HASPIN: variants seen among roughly 807,000 people sequenced by gnomAD.
The protein encoded by HASPIN is histone H3 associated protein kinase, also known as serine/threonine-protein kinase haspin.
A neutral mutation model predicts 28.8 loss-of-function variants in HASPIN; 24 were observed. The observed-to-expected ratio is 0.83, with a 90% CI of 0.60 to 1.17. The LOEUF (loss-of-function observed/expected upper bound fraction) is 1.17. HASPIN is among the 50% of genes most tolerant of loss of function. HASPIN has a pLI of 0.00. For synonymous variants in HASPIN, 440 were observed against 413.1 expected (o/e 1.07, Z -0.79); for missense variants, 1,016 against 1,018.5 (o/e 1.00, Z 0.03).
At position 3,724,848 on chromosome 17, in the gene HASPIN, C is replaced by T; in HGVS notation, c.913C>T (p.Leu305Phe). The T allele has an allele frequency of 6.2e-7, 1 of 1,614,096 alleles. No individual in the cohort carries two copies. The highest frequency in any genetic ancestry group is 8.5e-7 in the Non-Finnish European group (1 of 1,180,046). Residue 305 changes from leucine to phenylalanine, a missense_variant, in exon 1 of 1, where the codon CTT becomes TTT. Leu to Phe is a conservative substitution (Grantham distance 22). Coordinates refer to ENST00000325418, the MANE Select transcript of HASPIN (RefSeq NM_031965.2). ...CCAGGACTCTTGTCAAGAGAGAGGG[C>T]TTCAAGAGGCCGTCCGGAGAGAGCA... ...TGQDSCQERG[L>F]QEAVRREHQE...
Position 3,725,915 on chromosome 17 carries a change from C to A in HASPIN, c.1980C>A (p.Thr660=), listed in dbSNP as rs1567513524. ...LHWGNVLLKK[T]SLKKLHYTLN... ...GGGGGAACGTGCTCTTAAAGAAAAC[C>A]AGCCTCAAAAAACTCCACTACACCC... The change falls in exon 1 of 1, where the codon ACC becomes ACA. Residue 660 remains threonine (T), a synonymous_variant. Transcript: ENST00000325418. 1.2e-6 allele frequency: 2 copies of A among 1,613,408 alleles called. No homozygotes were observed. Among genetic ancestry groups the A allele is most frequent in the South Asian group, 2.2e-5 (2 of 91,058 alleles).
chr17:3,725,718 A>G lies in HASPIN; in HGVS notation c.1783A>G (p.Lys595Glu). The G allele has an allele frequency of 6.4e-7, 1 of 1,572,240 alleles. No homozygotes were observed. The highest frequency in any genetic ancestry group is 1.2e-5 in the South Asian group (1 of 84,106). The change falls in exon 1 of 1, where the codon AAA (lysine) becomes GAA (glutamate). Residue 595 changes from lysine to glutamate, a missense_variant. By Grantham distance (56) the Lys-to-Glu change is moderately conservative. Around this residue, in one of 3 missense-constraint regions of HASPIN, gnomAD observed 881 missense variants for 845.5 expected, o/e 1.04. Coordinates refer to ENST00000325418, the MANE Select transcript of HASPIN (RefSeq NM_031965.2). The part of the protein sequence containing the change: ...GSANDRPDFF[K>E]DDQLFIVLEF... Reference sequence around the variant, plus strand: ...TGCAAATGACCGGCCTGATTTTTTTAAAGACGACCAGCTCTTCATTGTGCT... The same window carrying G: ...TGCAAATGACCGGCCTGATTTTTTTGAAGACGACCAGCTCTTCATTGTGCT...
chr17:3,724,005 C>T lies in HASPIN; in HGVS notation c.70C>T (p.Gln24Ter), dbSNP rs1462735996. 3.8e-6 allele frequency: 6 copies of T among 1,593,840 alleles called. No homozygotes were observed. The highest frequency in any genetic ancestry group is 2.3e-5 in the East Asian group (1 of 44,222). ...ATATGGGGCTGCGGACGGCAGGAGA[C>T]AGCGGCGGCCGGGCCGGGAAGCCGC... ...RTYGAADGRR[Q>*]RRPGREAAQW... Residue 24 changes from glutamine to a stop codon, truncating the protein, a stop_gained, in exon 1 of 1, where the codon CAG (glutamine) becomes TAG (stop). Coordinates refer to ENST00000325418, the MANE Select transcript of HASPIN (RefSeq NM_031965.2). LOFTEE classifies it low-confidence loss of function (END_TRUNC).
Position 3,725,916 on chromosome 17 carries a change from A to AG in HASPIN, c.1982dup (p.Ser661ArgfsTer27). On this transcript the variant is annotated frameshift_variant, in exon 1 of 1. Transcript: ENST00000325418. LOFTEE classifies it high-confidence loss of function. ...GGGGAACGTGCTCTTAAAGAAAACC[A>AG]GCCTCAAAAAACTCCACTACACCCT... 6.2e-7 allele frequency: 1 copy of AG among 1,613,372 alleles called. No homozygotes were observed. Among genetic ancestry groups the AG allele is most frequent in the East Asian group, 2.2e-5 (1 of 44,868 alleles).
chr17:3,724,512 G>A lies in HASPIN; in HGVS notation c.577G>A (p.Ala193Thr), dbSNP rs919745901. The A allele has an allele frequency of 6.2e-7, 1 of 1,613,948 alleles. No homozygotes were observed. Among genetic ancestry groups the A allele is most frequent in the African/African-American group, 1.3e-5 (1 of 75,030 alleles). The change falls in exon 1 of 1, where the codon GCC (alanine) becomes ACC (threonine). Residue 193 changes from alanine to threonine, a missense_variant. This residue lies in a region of HASPIN where 881 missense variants were observed against 845.5 expected (regional missense o/e 1.04). Transcript: ENST00000325418. ...CAGTGTCATCTCGATCGGCACCTCC[G>A]CCTGTCTGGTTGCAGCCTCAGCCGT... ...RDSVISIGTS[A>T]CLVAASAVPS...
chr17:3,724,718 A>G lies in HASPIN; in HGVS notation c.783A>G (p.Ala261=), dbSNP rs376883181. The part of the protein sequence containing the change: ...SGTPEDSEFR[A]DGKNMRESCC... ...CCCCTGAGGATTCTGAGTTTCGGGCAGATGGGAAGAATATGAGAGAGTCCT... is the reference window on the plus strand; with the variant it reads ...CCCCTGAGGATTCTGAGTTTCGGGCGGATGGGAAGAATATGAGAGAGTCCT... The change falls in exon 1 of 1, where the codon GCA becomes GCG. Residue 261 remains alanine, a synonymous_variant. Transcript: ENST00000325418. 83 of 1,614,128 alleles carry G rather than the reference A, an allele frequency of 5.1e-5. 1 individual carries two copies. The Middle Eastern group carries it at 1.3e-3, about 26-fold the overall frequency.
Position 3,725,639 on chromosome 17 carries a change from T to C in HASPIN, c.1704T>C (p.Ser568=). 6.2e-7 allele frequency: 1 copy of C among 1,606,338 alleles called. No homozygotes were observed. The highest frequency in any genetic ancestry group is 1.1e-5 in the South Asian group (1 of 90,434). The part of the protein sequence containing the change: ...GLNSVHCVQG[S]YPPLLLKAWD... The stretch of plus-strand genomic sequence containing the variant: ...ACTCAGTGCACTGTGTCCAGGGATC[T>C]TACCCTCCCTTGCTCCTCAAAGCCT... Residue 568 remains serine (S), a synonymous_variant, in exon 1 of 1, where the codon TCT becomes TCC. Coordinates refer to ENST00000325418, the MANE Select transcript of HASPIN (RefSeq NM_031965.2).
In HASPIN at chr17:3,725,635, G is replaced by T; in HGVS notation, c.1700G>T (p.Gly567Val). The change falls in exon 1 of 1, where the codon GGA becomes GTA. Residue 567 changes from glycine to valine, a missense_variant. Physicochemically the swap from Gly to Val is moderately radical, Grantham distance 109. Around this residue, in one of 3 missense-constraint regions of HASPIN, gnomAD observed 881 missense variants for 845.5 expected, o/e 1.04. Transcript: ENST00000325418. ...CTGAACTCAGTGCACTGTGTCCAGGGATCTTACCCTCCCTTGCTCCTCAAA... is the reference window on the plus strand; with the variant it reads ...CTGAACTCAGTGCACTGTGTCCAGGTATCTTACCCTCCCTTGCTCCTCAAA... ...IGLNSVHCVQ[G>V]SYPPLLLKAW... The T allele has an allele frequency of 6.2e-7, 1 of 1,608,002 alleles. No homozygotes were observed. The highest frequency in any genetic ancestry group is 8.5e-7 in the Non-Finnish European group (1 of 1,175,668).
Position 3,724,619 on chromosome 17 carries a change from C to T in HASPIN, c.684C>T (p.Ala228=), listed in dbSNP as rs1165588606. 1.2e-6 allele frequency: 2 copies of T among 1,614,152 alleles called. No individual in the cohort carries two copies. Among genetic ancestry groups the T allele is most frequent in the Admixed American group, 3.3e-5 (2 of 60,012 alleles). The change falls in exon 1 of 1, where the codon GCC becomes GCT. Residue 228 remains alanine, a synonymous_variant. Coordinates refer to ENST00000325418, the MANE Select transcript of HASPIN (RefSeq NM_031965.2). The part of the protein sequence containing the change: ...PCSQEEATGG[A]KDTRMVHQTR... ...CCCAGGAGGAAGCGACAGGAGGAGC[C>T]AAGGACACCAGGATGGTCCACCAAA...
rs1199603110 is a variant in HASPIN, at chr17:3,724,115, CGACGATCCT to C, written c.189_197del (p.Asp68_Asp70del). ...CCAGCATCGGCGACCCCTCGCAGTC[CGACGATCCT>C]GACGATCCCGACGACCCCGACTTCC... On this transcript the variant is annotated inframe_deletion, in exon 1 of 1. Coordinates refer to ENST00000325418, the MANE Select transcript of HASPIN (RefSeq NM_031965.2). 4.4e-6 allele frequency: 7 copies of C among 1,594,656 alleles called. No individual in the cohort carries two copies. The highest frequency in any genetic ancestry group is 2.2e-5 in the East Asian group (1 of 44,678).
In HASPIN at chr17:3,726,576, C is replaced by A. The variant is rs557370569; in HGVS notation, c.*244C>A. On this transcript the variant is annotated 3_prime_UTR_variant, in exon 1 of 1. Coordinates refer to ENST00000325418, the MANE Select transcript of HASPIN (RefSeq NM_031965.2). ...GGCACAGTGGCGTGCGCCTGTAGTC[C>A]CAGCTACTCGGGAGGCTGAGGCAGG... The A allele has an allele frequency of 8.5e-6, 4 of 469,098 alleles. No homozygotes were observed. In the East Asian group the frequency reaches 1.4e-4, roughly 17 times the overall value. The allele number at this position is 469,098 out of a possible 1,614,324, so 29.1% of individuals were successfully genotyped here. A position where few individuals can be genotyped will look rare whatever the true frequency, so the allele number is the denominator to read the frequency against.
rs2051154656 is a variant in HASPIN, at chr17:3,724,372, T to C, written c.437T>C (p.Leu146Pro). Residue 146 changes from leucine (L) to proline (P), a missense_variant, in exon 1 of 1, where the codon CTC (leucine) becomes CCC (proline). Physicochemically the swap from Leu to Pro is moderately conservative, Grantham distance 98 (BLOSUM62 -3). Transcript: ENST00000325418. ...PPFPSRDSGR[L>P]SPDLSVCGQP... ...TTCCCCAGCCGCGACTCCGGCCGCC[T>C]CAGCCCGGACCTCAGCGTGTGCGGC... 1.2e-6 allele frequency: 2 copies of C among 1,606,448 alleles called. No homozygotes were observed. The highest frequency in any genetic ancestry group is 2.2e-5 in the East Asian group (1 of 44,702).
In HASPIN at chr17:3,726,482, A is replaced by G. The variant is rs2051216170; in HGVS notation, c.*150A>G. 1 of 619,130 alleles carries G rather than the reference A, an allele frequency of 1.6e-6. No homozygotes were observed. The highest frequency in any genetic ancestry group is 2.9e-6 in the Non-Finnish European group (1 of 343,728). The allele number at this position is 619,130 out of a possible 1,614,324, so 38.4% of individuals were successfully genotyped here. Reference sequence around the variant, plus strand: ...AAACAAGAATTTTGTTTCCAAATGGAAACTGAAATATTTGTTGAAATGTTT... The same window carrying G: ...AAACAAGAATTTTGTTTCCAAATGGGAACTGAAATATTTGTTGAAATGTTT... On this transcript the variant is annotated 3_prime_UTR_variant, in exon 1 of 1. Coordinates refer to ENST00000325418, the MANE Select transcript of HASPIN (RefSeq NM_031965.2).
In HASPIN at chr17:3,724,402, C is replaced by T. The variant is rs376550145; in HGVS notation, c.467C>T (p.Pro156Leu). The T allele has an allele frequency of 1.2e-5, 19 of 1,611,326 alleles. No homozygotes were observed. Among genetic ancestry groups the T allele is most frequent in the Non-Finnish European group, 1.4e-5 (16 of 1,179,462 alleles). Reference protein sequence around the residue: ...LSPDLSVCGQPRDGDELGISA... With the variant: ...LSPDLSVCGQLRDGDELGISA... ...CCGGACCTCAGCGTGTGCGGCCAGC[C>T]CAGGGACGGCGACGAGCTGGGCATC... The change falls in exon 1 of 1, where the codon CCC (proline) becomes CTC (leucine). Residue 156 changes from proline (P) to leucine (L), a missense_variant. Pro to Leu is a moderately conservative substitution (Grantham distance 98, BLOSUM62 -3). Around this residue, in one of 3 missense-constraint regions of HASPIN, gnomAD observed 881 missense variants for 845.5 expected, o/e 1.04. Coordinates refer to ENST00000325418, the MANE Select transcript of HASPIN (RefSeq NM_031965.2).
At position 3,724,973 on chromosome 17, in the gene HASPIN, G is replaced by T; in HGVS notation, c.1038G>T (p.Thr346=). 1 of 1,614,154 alleles carries T rather than the reference G, an allele frequency of 6.2e-7. No homozygotes were observed. Among genetic ancestry groups the T allele is most frequent in the Non-Finnish European group, 8.5e-7 (1 of 1,180,050 alleles). Reference sequence around the variant, plus strand: ...GGAAGAGCAAACATCAGGAGGCAACGGAAACCTCTCTCCTCCATTCCCACC... The same window carrying T: ...GGAAGAGCAAACATCAGGAGGCAACTGAAACCTCTCTCCTCCATTCCCACC... ...SSRKSKHQEA[T]ETSLLHSHRF... is the part of the protein sequence containing the mutation. The change falls in exon 1 of 1, where the codon ACG becomes ACT. Residue 346 remains threonine, a synonymous_variant. Transcript: ENST00000325418.
chr17:3,724,245 C>G lies in HASPIN; in HGVS notation c.310C>G (p.Arg104Gly). The change falls in exon 1 of 1, where the codon CGA becomes GGA. Residue 104 changes from arginine (R) to glycine (G), a missense_variant. Around this residue, in one of 3 missense-constraint regions of HASPIN, gnomAD observed 881 missense variants for 845.5 expected, o/e 1.04. Transcript: ENST00000325418. ...LTVTPKRWKL[R>G]ARPSLTVTPR... Reference sequence around the variant, plus strand: ...CGTGACCCCAAAGCGCTGGAAGCTGCGAGCTCGCCCAAGCCTAACCGTGAC... The same window carrying G: ...CGTGACCCCAAAGCGCTGGAAGCTGGGAGCTCGCCCAAGCCTAACCGTGAC... 1 of 1,592,770 alleles carries G rather than the reference C, an allele frequency of 6.3e-7. No homozygotes were observed. Among genetic ancestry groups the G allele is most frequent in the Non-Finnish European group, 8.5e-7 (1 of 1,177,048 alleles).
At position 3,724,400 on chromosome 17, in the gene HASPIN, G is replaced by T; in HGVS notation, c.465G>T (p.Gln155His). Reference protein sequence around the residue: ...RLSPDLSVCGQPRDGDELGIS... With the variant: ...RLSPDLSVCGHPRDGDELGIS... Reference sequence around the variant, plus strand: ...GCCCGGACCTCAGCGTGTGCGGCCAGCCCAGGGACGGCGACGAGCTGGGCA... The same window carrying T: ...GCCCGGACCTCAGCGTGTGCGGCCATCCCAGGGACGGCGACGAGCTGGGCA... The change falls in exon 1 of 1, where the codon CAG (glutamine) becomes CAT (histidine). Residue 155 changes from glutamine to histidine, a missense_variant. By Grantham distance (24) the Gln-to-His change is conservative (BLOSUM62 0). Coordinates refer to ENST00000325418, the MANE Select transcript of HASPIN (RefSeq NM_031965.2). 1 of 1,611,170 alleles carries T rather than the reference G, an allele frequency of 6.2e-7. No individual in the cohort carries two copies.
chr17:3,726,006 T>G lies in HASPIN; in HGVS notation c.2071T>G (p.Ser691Ala). 6.2e-7 allele frequency: 1 copy of G among 1,613,988 alleles called. No individual in the cohort carries two copies. Among genetic ancestry groups the G allele is most frequent in the Non-Finnish European group, 8.5e-7 (1 of 1,180,034 alleles). The change falls in exon 1 of 1, where the codon TCG (serine) becomes GCG (alanine). Residue 691 changes from serine (S) to alanine (A), a missense_variant. Transcript: ENST00000325418. ...LQVSIIDYTL[S>A]RLERDGIVVF... ...AGTGAGCATCATTGACTACACCCTG[T>G]CGCGCTTGGAACGGGATGGGATTGT...
Position 3,725,032 on chromosome 17 carries a change from C to G in HASPIN, c.1097C>G (p.Ser366Trp). The G allele has an allele frequency of 6.2e-7, 1 of 1,614,210 alleles. No homozygotes were observed. Among genetic ancestry groups the G allele is most frequent in the Non-Finnish European group, 8.5e-7 (1 of 1,180,042 alleles). The change falls in exon 1 of 1, where the codon TCG becomes TGG. Residue 366 changes from serine (S) to tryptophan (W), a missense_variant. Coordinates refer to ENST00000325418, the MANE Select transcript of HASPIN (RefSeq NM_031965.2). ...FKKGQKLGKD[S>W]FPTQDLTPLQ... Reference sequence around the variant, plus strand: ...AAGGGCCAAAAGCTGGGAAAAGATTCGTTCCCCACCCAGGACCTGACTCCT... The same window carrying G: ...AAGGGCCAAAAGCTGGGAAAAGATTGGTTCCCCACCCAGGACCTGACTCCT...
Sources: allele counts gnomAD v4.1 joint callset, GRCh38; gene constraint gnomAD v4.1.1; regional missense constraint gnomAD v4.1.1; transcripts MANE v1.5; gene names NCBI Gene and HGNC (gene_info 2026-07-23, HGNC 2026-07-21).